The following ZFHX3 variants were observed in gnomAD, a reference collection of about 807,000 sequenced individuals.
ZFHX3 encodes the protein zinc finger homeobox protein 3.
A neutral mutation model predicts 279.1 loss-of-function variants in ZFHX3; 42 were observed. The ratio of observed to expected loss-of-function variants is 0.15; its 90% CI spans 0.12 to 0.19. ZFHX3 has a LOEUF of 0.19. Among genes scored for constraint, ZFHX3 ranks in the 10% least tolerant of loss-of-function variants. The pLI is 1.00. For synonymous variants in ZFHX3, 2,293 were observed against 1,957.8 expected (o/e 1.17, Z -4.52); for missense variants, 4,981 against 4,754.0 (o/e 1.05, Z -1.40).
intron 6 of ZFHX3, among the ~76,000 whole-genome samples, chr16:73,136,725 CAAAAAAAAAA>C (rs397855836): frequency 4.3e-4 from 18 of 41,648 alleles, no homozygotes; most frequent in Admixed American, 2.0e-3. Context: ...GACTCTGCCT[CAAAAAAAAAA>C]AAAAAAAAAA....
intron 4 of ZFHX3, among the ~76,000 whole-genome samples, chr16:73,286,817 G>A (rs1277006647): frequency 2.7e-5 from 4 of 147,780 alleles, no homozygotes; most frequent in East Asian, 2.0e-4. Flanking sequence ...GTGTGTGGCT[G>A]TGTGGGTCGG....
rs139417080 is a variant in ZFHX3, at chr16:73,281,344, C to T, written c.-1193-24208G>A. On this transcript the variant is annotated intron_variant, in intron 4 of 17. Transcript: ENST00000641206. Reference sequence around the variant, plus strand: ...CCATTTGTGACACCATGGATGAACCCAGAGGACACTATGTTAAGTGAAATA... The same window carrying T: ...CCATTTGTGACACCATGGATGAACCTAGAGGACACTATGTTAAGTGAAATA... Among the ~76,000 whole-genome samples, 294 of 152,182 alleles carry T rather than the reference C, an allele frequency of 1.9e-3. 2 individuals are homozygous for T. The highest frequency in any genetic ancestry group is 6.8e-3 in the African/African-American group (283 of 41,518).
At chr16:73,565,934 C>A (rs1380512159) in intron 2 of ZFHX3, among the ~76,000 whole-genome samples, 2 of 151,740 alleles carry the variant, frequency 1.3e-5, no homozygotes. Context: ...AAAAGTAACA[C>A]ATAAAAATTT....
chr16:72,888,658 G>A (rs2038691228), intron 4 of ZFHX3, among the ~76,000 whole-genome samples: 1 of 152,202 alleles, frequency 6.6e-6, no homozygotes, highest in Non-Finnish European at 1.5e-5. Flanking sequence ...GGAAGGCAAG[G>A]GAAGGGGAAG....
chr16:73,074,061 T>C (rs1405421107), intron 8 of ZFHX3, among the ~76,000 whole-genome samples: 13 of 152,216 alleles, frequency 8.5e-5, no homozygotes, highest in Admixed American at 7.9e-4. Flanking sequence ...TCAGTTTTTG[T>C]CAAACTAAAC....
intron 2 of ZFHX3, among the ~76,000 whole-genome samples, chr16:73,556,201 G>A (rs2020279804): frequency 6.6e-6 from 1 of 152,118 alleles, no homozygotes; most frequent in South Asian, 2.1e-4. Flanking sequence ...GCTGTTGTTG[G>A]CTTTCATAAC....
rs796799577 is a variant in ZFHX3 at position 73,728,023 on chromosome 16, C to CCT, written c.-1607-47784_-1607-47783insAG. Among the ~76,000 whole-genome samples the CCT allele has an allele frequency of 7.3e-5, 8 of 109,240 alleles. No homozygotes were observed. The South Asian group carries it at 2.2e-3, about 30-fold the overall frequency. The allele number at this position is 109,240 out of a possible 152,430, so 71.7% of individuals were successfully genotyped here. On this transcript the variant is annotated intron_variant, in intron 1 of 17. Transcript: ENST00000641206. ...TTTATGAGCCGAATTGTGCCCCCCC[C>CCT]CCGCCCCCAATAATTCATATGTTGA...
chr16:73,100,903 C>T (rs1966223160), intron 7 of ZFHX3, among the ~76,000 whole-genome samples: 1 of 152,114 alleles, frequency 6.6e-6, no homozygotes, highest in Non-Finnish European at 1.5e-5. Flanking sequence ...AGCCAATTTC[C>T]AGGATTCTCT....
chr16:72,843,128 G>A (rs2037385089), intron 4 of ZFHX3, among the ~76,000 whole-genome samples: 1 of 152,192 alleles, frequency 6.6e-6, no homozygotes, highest in Non-Finnish European at 1.5e-5. Context: ...GGTTCTACCT[G>A]TGTTTTGAGG....
At chr16:73,841,047 C>A (rs2096340852) in intron 1 of ZFHX3, among the ~76,000 whole-genome samples, 1 of 152,128 alleles carries the variant, frequency 6.6e-6, no homozygotes, top group African/African-American at 2.4e-5. Flanking sequence ...GGCTGGAGTC[C>A]TGGAAGTGGA....
intron 2 of ZFHX3, among the ~76,000 whole-genome samples, chr16:73,521,546 A>T (rs1260337736): frequency 6.6e-6 from 1 of 151,980 alleles, no homozygotes; most frequent in Non-Finnish European, 1.5e-5. Context: ...TGACTCTCAT[A>T]CTTGTTCTGT....
intron 2 of ZFHX3, among the ~76,000 whole-genome samples, chr16:73,575,989 G>A (rs766766422): frequency 4.6e-5 from 7 of 152,120 alleles, no homozygotes; most frequent in East Asian, 1.9e-4. Context: ...GCCAAGCCCC[G>A]TCTTTCTCCT....
At chr16:73,659,273 G>T (rs575603282) in intron 2 of ZFHX3, among the ~76,000 whole-genome samples, 1 of 152,140 alleles carries the variant, frequency 6.6e-6, no homozygotes, top group African/African-American at 2.4e-5. Flanking sequence ...AGCCAAAAAT[G>T]TACATACGTG....
chr16:72,798,376 G>C lies in ZFHX3; in HGVS notation c.4306C>G (p.Arg1436Gly). 1.2e-6 allele frequency: 2 copies of C among 1,614,196 alleles called. No individual in the cohort carries two copies. The highest frequency in any genetic ancestry group is 1.7e-6 in the Non-Finnish European group (2 of 1,180,042). The change falls in exon 9 of 10, where the codon CGC becomes GGC. Residue 1436 changes from arginine (R) to glycine (G), a missense_variant. Coordinates refer to ENST00000268489, the MANE Select transcript of ZFHX3 (RefSeq NM_006885.4). ...RAATMCCLCQ[R>G]SFRTFQALKK... ...AGAGCCTGGAAAGTTCGGAAACTGC[G>C]CTGACAAAGACAGCACATGGTGGCA...
intron 2 of ZFHX3, chr16:73,487,324 T>C (rs1357360182): frequency 6.2e-6 from 2 of 323,442 alleles, no homozygotes; most frequent in East Asian, 8.6e-5. Flanking sequence ...TACTCAAATG[T>C]CTTCTGAACC....
intron 3 of ZFHX3, among the ~76,000 whole-genome samples, chr16:73,328,131 T>C (rs1349633017): frequency 6.6e-6 from 1 of 152,164 alleles, no homozygotes; most frequent in Middle Eastern, 3.2e-3. Flanking sequence ...AACAATGAGG[T>C]CTTAAATTGT....
chr16:73,456,407 C>G (rs545562937), intron 2 of ZFHX3: 13 of 152,252 alleles, frequency 8.5e-5, no homozygotes, highest in African/African-American at 3.1e-4. Flanking sequence ...CATGTGATTA[C>G]CTAGATCACC....
chr16:73,311,228 C>CA (rs1567447080), intron 4 of ZFHX3, among the ~76,000 whole-genome samples: 8 of 151,450 alleles, frequency 5.3e-5, no homozygotes, highest in Non-Finnish European at 7.4e-5. Flanking sequence ...AGAGAGACTT[C>CA]GTCTCCCTCC....
At chr16:73,832,957 T>C (rs1961037896) in intron 1 of ZFHX3, among the ~76,000 whole-genome samples, 1 of 152,242 alleles carries the variant, frequency 6.6e-6, no homozygotes, top group Non-Finnish European at 1.5e-5. Flanking sequence ...TATTTTGTTT[T>C]CTACATGAAT....
Sources: allele counts gnomAD v4.1 joint callset (sites outside exome capture counted in the v4.1 genomes callset), GRCh38; gene constraint gnomAD v4.1.1; transcripts MANE v1.5; gene names NCBI Gene and HGNC (gene_info 2026-07-23, HGNC 2026-07-21).